The following CRIM1 variants were observed in gnomAD, a reference collection of about 807,000 sequenced individuals.
The protein encoded by CRIM1 is cysteine-rich motor neuron 1 protein.
CRIM1 carries 32 observed loss-of-function variants against 116.4 expected under a neutral mutation model. That is an observed-to-expected ratio of 0.27 (90% CI 0.21 to 0.37). The LOEUF (loss-of-function observed/expected upper bound fraction) is 0.37. CRIM1 is among the 10% of genes least tolerant of loss of function. The pLI, the probability that CRIM1 is intolerant of heterozygous loss-of-function variation, is 1.00. For synonymous variants in CRIM1, 590 were observed against 509.2 expected (o/e 1.16, Z -2.13); for missense variants, 1,331 against 1,354.8 (o/e 0.98, Z 0.28).
At chr2:36,414,669 C>T (rs1176550805) in intron 2 of CRIM1, among the ~76,000 whole-genome samples, 3 of 152,188 alleles carry the variant, frequency 2.0e-5, no homozygotes, top group Non-Finnish European at 4.4e-5. Flanking sequence ...GCAAAGAGCT[C>T]GTGGAAGAAC....
chr2:36,400,307 A>T (rs549472683), intron 2 of CRIM1, among the ~76,000 whole-genome samples: 1 of 152,220 alleles, frequency 6.6e-6, no homozygotes, highest in South Asian at 2.1e-4. Flanking sequence ...GAGGGTTAGA[A>T]ATTACTATGG....
At chr2:36,433,003 C>G (rs1245505490) in intron 2 of CRIM1, among the ~76,000 whole-genome samples, 1 of 152,032 alleles carries the variant, frequency 6.6e-6, no homozygotes, top group African/African-American at 2.4e-5. Context: ...CCCAGATTAC[C>G]GAGCCCCACT....
intron 11 of CRIM1, among the ~76,000 whole-genome samples, chr2:36,517,092 T>A (rs1353355502): frequency 2.6e-5 from 4 of 152,214 alleles, no homozygotes; most frequent in Admixed American, 1.3e-4. Flanking sequence ...TGAATTCTCT[T>A]ATTACTGTTG....
chr2:36,438,699 C>A (rs1016149740), intron 2 of CRIM1, among the ~76,000 whole-genome samples: 1 of 152,140 alleles, frequency 6.6e-6, no homozygotes, highest in African/African-American at 2.4e-5. Context: ...AACCCGGTAG[C>A]TTTAACAAAA....
chr2:36,444,778 C>T (rs1302531425), intron 4 of CRIM1, among the ~76,000 whole-genome samples: 1 of 152,222 alleles, frequency 6.6e-6, no homozygotes, highest in Non-Finnish European at 1.5e-5. Flanking sequence ...CCAGCTCTCT[C>T]ACGAGTCCTG....
chr2:36,464,425 C>T (rs1038125297), intron 4 of CRIM1, 109 bp from the exon 5 acceptor site: 17 of 1,116,732 alleles, frequency 1.5e-5, no homozygotes, highest in African/African-American at 4.6e-5. Context: ...GAGGCAGTGT[C>T]GTATAGACCA....
chr2:36,455,373 G>A (rs542811628), intron 4 of CRIM1, among the ~76,000 whole-genome samples: 2 of 152,130 alleles, frequency 1.3e-5, no homozygotes, highest in African/African-American at 4.8e-5. Context: ...TCATCAGTTC[G>A]TTTAATCCAC....
At chr2:36,357,286 A>G (rs1668910104) in intron 1 of CRIM1, among the ~76,000 whole-genome samples, 1 of 152,098 alleles carries the variant, frequency 6.6e-6, no homozygotes, top group Non-Finnish European at 1.5e-5. Flanking sequence ...CCTGAAAGGA[A>G]AGGGGGGTGG....
chr2:36,535,304 T>G (rs571750110), intron 13 of CRIM1, among the ~76,000 whole-genome samples: 1 of 152,162 alleles, frequency 6.6e-6, no homozygotes, highest in African/African-American at 2.4e-5. Context: ...TGGATGATTC[T>G]GTTCAGCCAA....
chr2:36,482,588 G>A (rs1350806200), intron 7 of CRIM1, among the ~76,000 whole-genome samples: 1 of 152,208 alleles, frequency 6.6e-6, no homozygotes, highest in Non-Finnish European at 1.5e-5. Flanking sequence ...AAGAAAAAGT[G>A]CAAGGTGTTA....
chr2:36,491,889 A>AAGG, intron 7 of CRIM1, among the ~76,000 whole-genome samples: 1 of 152,218 alleles, frequency 6.6e-6, no homozygotes. Context: ...ATTAGCAATA[A>AAGG]AAAGAATAAG....
chr2:36,397,118 G>A (rs1672086283), intron 2 of CRIM1, among the ~76,000 whole-genome samples: 1 of 152,156 alleles, frequency 6.6e-6, no homozygotes, highest in Non-Finnish European at 1.5e-5. Flanking sequence ...TTTACCGTAG[G>A]ATGGTGCTCC....
intron 7 of CRIM1, among the ~76,000 whole-genome samples, chr2:36,491,475 T>G (rs1181095885): frequency 6.6e-6 from 1 of 152,198 alleles, no homozygotes; most frequent in African/African-American, 2.4e-5. Flanking sequence ...CTAAGGAACT[T>G]ACTGTCTAAT....
chr2:36,461,904 G>T (rs1677608472), intron 4 of CRIM1, among the ~76,000 whole-genome samples: 1 of 152,180 alleles, frequency 6.6e-6, no homozygotes. Flanking sequence ...CCTAAGCCCA[G>T]ATTTTTACCT....
rs370509125 is a variant in CRIM1, at chr2:36,515,930, C to T, written c.1991-1397C>T. On this transcript the variant is annotated intron_variant, in intron 11 of 16. Transcript: ENST00000280527. ...TTTGTTTCTCTGTAAACCACAGATG[C>T]ACATTTACCATCTTGTTCAGCACAG... is the stretch of plus-strand genomic sequence containing the variant. Among the ~76,000 whole-genome samples, 20 of 152,320 alleles carry T rather than the reference C, an allele frequency of 1.3e-4. No homozygotes were observed. The East Asian group carries it at 2.1e-3, about 16-fold the overall frequency.
At chr2:36,380,101 C>T (rs960169454) in intron 1 of CRIM1, among the ~76,000 whole-genome samples, 4 of 152,100 alleles carry the variant, frequency 2.6e-5, no homozygotes, top group Non-Finnish European at 5.9e-5. Context: ...TTCCTTCTCC[C>T]CAATCTCCCC....
intron 4 of CRIM1, among the ~76,000 whole-genome samples, chr2:36,447,400 C>T (rs1676330587): frequency 6.6e-6 from 1 of 152,198 alleles, no homozygotes; most frequent in Non-Finnish European, 1.5e-5. Flanking sequence ...TTATTCACTG[C>T]TGTGTAACAA....
Position 36,371,345 on chromosome 2 carries a change from C to G in CRIM1, c.331+14722C>G, listed in dbSNP as rs544357428. On this transcript the variant is annotated intron_variant, in intron 1 of 16. Coordinates refer to ENST00000280527, the MANE Select transcript of CRIM1 (RefSeq NM_016441.3). ...ACTGTGTTAGAGTTCACATTTCTGT[C>G]TCTCTGCCTCATTGTGATCTATTTG... 2.0e-4 allele frequency among the ~76,000 whole-genome samples: 31 copies of G among 152,218 alleles called. No individual in the cohort carries two copies. The South Asian group carries it at 5.4e-3, about 26-fold the overall frequency.
intron 1 of CRIM1, among the ~76,000 whole-genome samples, chr2:36,380,532 TGTGGG>T (rs1280639623): frequency 6.6e-6 from 1 of 152,172 alleles, no homozygotes; most frequent in Non-Finnish European, 1.5e-5. Flanking sequence ...GGCCAGATCC[TGTGGG>T]TTTGAGCGCA....
Sources: allele counts gnomAD v4.1 joint callset (sites outside exome capture counted in the v4.1 genomes callset), GRCh38; gene constraint gnomAD v4.1.1; transcripts MANE v1.5; gene names NCBI Gene and HGNC (gene_info 2026-07-23, HGNC 2026-07-21).